Variants in INSC observed in about 807,000 individuals in gnomAD.
INSC encodes the protein protein inscuteable homolog.
A neutral mutation model predicts 58.6 loss-of-function variants in INSC; 67 were observed. That is an observed-to-expected ratio of 1.14 (90% CI 0.94 to 1.40). INSC has a LOEUF of 1.40. Ranked by LOEUF, INSC falls within the 40% of genes most tolerant of loss-of-function variation. INSC has a pLI of 0.00. For missense variants in INSC, 714 were observed against 692.0 expected, an observed-to-expected ratio of 1.03 and a Z score of -0.36; for synonymous variants, 262 against 276.1, an observed-to-expected ratio of 0.95 and a Z score of 0.51.
chr11:15,190,696 C>T lies in INSC; in HGVS notation c.580-5C>T. 6.2e-7 allele frequency: 1 copy of T among 1,605,492 alleles called. No homozygotes were observed. The highest frequency in any genetic ancestry group is 8.5e-7 in the Non-Finnish European group (1 of 1,172,108). On this transcript the variant is annotated splice_region_variant and splice_polypyrimidine_tract_variant and intron_variant, in intron 5 of 12. Transcript: ENST00000379556. Reference sequence around the variant, plus strand: ...CTACTAGCTAACTTTTCTCTCTCTTCTTAGGCACTGGTGAGAAAAATTGAT... The same window carrying T: ...CTACTAGCTAACTTTTCTCTCTCTTTTTAGGCACTGGTGAGAAAAATTGAT...
chr11:15,127,941 G>A (rs943940419), intron 1 of INSC, among the ~76,000 whole-genome samples: 1 of 152,088 alleles, frequency 6.6e-6, no homozygotes, highest in African/African-American at 2.4e-5. Flanking sequence ...CTTGCAGTGA[G>A]CCGAGATCGT....
intron 6 of INSC, among the ~76,000 whole-genome samples, chr11:15,191,275 G>A (rs529927816): frequency 2.0e-5 from 3 of 152,254 alleles, no homozygotes; most frequent in South Asian, 2.1e-4. Context: ...CACCGTGCCC[G>A]GCCGGTGTCT....
intron 5 of INSC, among the ~76,000 whole-genome samples, chr11:15,187,917 G>A (rs1850032091): frequency 6.6e-6 from 1 of 152,148 alleles, no homozygotes; most frequent in Non-Finnish European, 1.5e-5. Context: ...GTTTGAGGCC[G>A]ATACTAAGGT....
At chr11:15,203,078 A>T (rs1945626) in intron 7 of INSC, among the ~76,000 whole-genome samples, 41,943 of 152,136 alleles carry the variant, frequency 0.28, 6,570 homozygotes, top group East Asian at 0.73. Flanking sequence ...TAGTATCTCC[A>T]TCTTAAAGAT....
upstream of INSC, among the ~76,000 whole-genome samples, chr11:15,113,600 T>C (rs1847625665): frequency 1.3e-5 from 2 of 152,154 alleles, no homozygotes. Context: ...AGACAGCACT[T>C]GTTGAAACAG....
At chr11:15,253,217 T>C in the INSC span, among the ~76,000 whole-genome samples, 1 of 152,268 alleles carries the variant, frequency 6.6e-6, no homozygotes, top group Non-Finnish European at 1.5e-5. Flanking sequence ...TTCCACGCCC[T>C]TTGAATTTTT....
At chr11:15,114,257 G>T (rs1847638472), upstream of INSC, among the ~76,000 whole-genome samples, 1 of 121,198 alleles carries the variant, frequency 8.3e-6, no homozygotes, top group African/African-American at 3.1e-5. Context: ...GGGGGTGGGG[G>T]GTGGGGGGTG....
At chr11:15,122,874 C>A (rs1291713157) in intron 1 of INSC, among the ~76,000 whole-genome samples, 1 of 152,196 alleles carries the variant, frequency 6.6e-6, no homozygotes, top group Non-Finnish European at 1.5e-5. Context: ...CTGTTCATAT[C>A]ATTTTCTTCC....
intron 10 of INSC, 146 bp downstream of exon 10, chr11:15,235,814 G>T (rs1852102920): frequency 9.2e-6 from 7 of 759,444 alleles, no homozygotes; most frequent in South Asian, 5.6e-5. Flanking sequence ...CCAGCACTTT[G>T]GGAAGCAGAG....
chr11:15,225,678 A>G lies in INSC; in HGVS notation c.1020A>G (p.Glu340=), dbSNP rs772284958. 3 of 1,614,202 alleles carry G rather than the reference A, an allele frequency of 1.9e-6. No individual in the cohort carries two copies. The highest frequency in any genetic ancestry group is 3.3e-5 in the Admixed American group (2 of 60,022). ...TGTGCCAAGAGGCCTCATCAGGGGAAGTCTTCCTACTGGCCTCTGCGGCCC... is the reference window on the plus strand; with the variant it reads ...TGTGCCAAGAGGCCTCATCAGGGGAGGTCTTCCTACTGGCCTCTGCGGCCC... The part of the protein sequence containing the change: ...VKLCQEASSG[E]VFLLASAALA... The change falls in exon 9 of 13, where the codon GAA becomes GAG. Residue 340 remains glutamate, a synonymous_variant. Coordinates refer to ENST00000379556, the MANE Select transcript of INSC (RefSeq NM_001042536.3).
intron 1 of INSC, among the ~76,000 whole-genome samples, chr11:15,130,994 A>G (rs1375104454): frequency 6.6e-6 from 1 of 151,492 alleles, no homozygotes; most frequent in Admixed American, 6.6e-5. Flanking sequence ...TTTGTTTTGT[A>G]TTTTGATTTG....
At chr11:15,119,397 C>T (rs868649479) in intron 1 of INSC, among the ~76,000 whole-genome samples, 8 of 152,162 alleles carry the variant, frequency 5.3e-5, no homozygotes, top group African/African-American at 1.4e-4. Context: ...CCAGACTCTG[C>T]GATCTGGCCG....
At chr11:15,114,533 C>A (rs1211399145), upstream of INSC, among the ~76,000 whole-genome samples, 4 of 152,204 alleles carry the variant, frequency 2.6e-5, no homozygotes, top group Admixed American at 6.5e-5. Context: ...ACATTCCCTT[C>A]CCCTCTCCAG....
At chr11:15,138,947 C>G (rs974155012) in intron 1 of INSC, among the ~76,000 whole-genome samples, 1 of 152,052 alleles carries the variant, frequency 6.6e-6, no homozygotes, top group Non-Finnish European at 1.5e-5. Context: ...TGAGCAAACT[C>G]CAATTTAGAG....
At chr11:15,222,211 A>G (rs1851470226) in intron 8 of INSC, among the ~76,000 whole-genome samples, 1 of 152,222 alleles carries the variant, frequency 6.6e-6, no homozygotes, top group South Asian at 2.1e-4. Flanking sequence ...ATCCGTATCT[A>G]AAATATGCTC....
chr11:15,133,815 G>A (rs917596904), intron 1 of INSC, among the ~76,000 whole-genome samples: 3 of 152,136 alleles, frequency 2.0e-5, no homozygotes, highest in Non-Finnish European at 4.4e-5. Flanking sequence ...ACTTTTGCCA[G>A]CTCAGTAATA....
At chr11:15,245,313 G>A (rs1299420001) in intron 12 of INSC, among the ~76,000 whole-genome samples, 1 of 152,112 alleles carries the variant, frequency 6.6e-6, no homozygotes, top group East Asian at 1.9e-4. Context: ...AAGGAGGAGG[G>A]GGTATAGCTC....
chr11:15,190,787 G>C lies in INSC; in HGVS notation c.666G>C (p.Gly222=). The change falls in exon 6 of 13, where the codon GGG becomes GGC. Residue 222 remains glycine, a synonymous_variant. Coordinates refer to ENST00000379556, the MANE Select transcript of INSC (RefSeq NM_001042536.3). ...TGNLFSLTQE[G]APLCRIIAKE... ...ACCTGTTCAGCCTGACCCAGGAGGG[G>C]GCTCCCTTGTGCCGCATCATAGCCA... is the stretch of plus-strand genomic sequence containing the variant. The C allele has an allele frequency of 6.2e-7, 1 of 1,613,768 alleles. No homozygotes were observed. The highest frequency in any genetic ancestry group is 8.5e-7 in the Non-Finnish European group (1 of 1,179,684).
chr11:15,221,052 G>A (rs926417570), intron 7 of INSC, among the ~76,000 whole-genome samples: 4 of 152,174 alleles, frequency 2.6e-5, no homozygotes, highest in Admixed American at 6.5e-5. Context: ...CCTGTTGAAC[G>A]GTGAGGAAAC....
Sources: allele counts gnomAD v4.1 joint callset (sites outside exome capture counted in the v4.1 genomes callset), GRCh38; gene constraint gnomAD v4.1.1; transcripts MANE v1.5; gene names NCBI Gene and HGNC (gene_info 2026-07-23, HGNC 2026-07-21).